CSMD1: variants seen among roughly 807,000 people sequenced by gnomAD.
CSMD1 encodes the protein CUB and sushi domain-containing protein 1.
CSMD1 carries 213 observed loss-of-function variants against 417.5 expected under a neutral mutation model. The ratio of observed to expected loss-of-function variants is 0.51; its 90% confidence interval spans 0.46 to 0.57. CSMD1 has a LOEUF of 0.57. CSMD1 is among the 20% of genes least tolerant of loss of function. CSMD1 has a pLI of 0.00. For synonymous variants in CSMD1, 2,862 were observed against 1,736.8 expected (o/e 1.65, Z -16.11); for missense variants, 6,923 against 4,529.7 (o/e 1.53, Z -15.17).
In CSMD1 at chr8:3,222,560, T is replaced by G. The variant is rs1798280189; in HGVS notation, c.4484+1169A>C. ...TTCTGAACTCAAGTGCTCCCCATCT[T>G]GGCCTCCTGAAATGCTGGGATTACA... On this transcript the variant is annotated intron_variant, in intron 28 of 69. Coordinates refer to ENST00000635120, the MANE Select transcript of CSMD1 (RefSeq NM_033225.6). Among the ~76,000 whole-genome samples the G allele has an allele frequency of 4.6e-5, 7 of 152,180 alleles. No homozygotes were observed. In the South Asian group the frequency reaches 1.4e-3, roughly 31 times the overall value.
At chr8:4,715,804 A>G (rs1808617514) in intron 1 of CSMD1, among the ~76,000 whole-genome samples, 1 of 152,086 alleles carries the variant, frequency 6.6e-6, no homozygotes, top group Non-Finnish European at 1.5e-5. Flanking sequence ...CCGTCCTCCT[A>G]TCTCTAGCAC....
At chr8:4,006,437 G>A (rs763598596) in intron 4 of CSMD1, among the ~76,000 whole-genome samples, 2 of 152,140 alleles carry the variant, frequency 1.3e-5, no homozygotes, top group Non-Finnish European at 2.9e-5. Context: ...CCAGCTTCTT[G>A]GGAGGCTGAG....
rs138123632 is a variant in CSMD1 at position 3,016,179 on chromosome 8, A to G, written c.8029+2298T>C. Among the ~76,000 whole-genome samples, 292 of 152,316 alleles carry G rather than the reference A, an allele frequency of 1.9e-3. 4 individuals are homozygous for G. Among genetic ancestry groups the G allele is most frequent in the Middle Eastern group, 0.014 (4 of 294 alleles). ...TTTTAAATCATCAAAAAATATCATCATTTATAACCTGCCTCCAAATATGGC... is the reference window on the plus strand; with the variant it reads ...TTTTAAATCATCAAAAAATATCATCGTTTATAACCTGCCTCCAAATATGGC... On this transcript the variant is annotated intron_variant, in intron 52 of 69. Transcript: ENST00000635120.
rs200865970 is a variant in CSMD1, at chr8:4,739,934, C to A, written c.86-102376G>T. Reference sequence around the variant, plus strand: ...TCCCTTCTTCAGTTGCTCTCTGCAGCAACTTAAGCTCCATAGTCTGAGCTA... The same window carrying A: ...TCCCTTCTTCAGTTGCTCTCTGCAGAAACTTAAGCTCCATAGTCTGAGCTA... On this transcript the variant is annotated intron_variant, in intron 1 of 69. Coordinates refer to ENST00000635120, the MANE Select transcript of CSMD1 (RefSeq NM_033225.6). Among the ~76,000 whole-genome samples the A allele has an allele frequency of 1.3e-4, 20 of 152,252 alleles. 1 individual carries two copies. The East Asian group carries it at 3.5e-3, about 27-fold the overall frequency.
chr8:3,144,677 G>A (rs752247291), intron 40 of CSMD1, among the ~76,000 whole-genome samples: 28 of 151,738 alleles, frequency 1.8e-4, no homozygotes, highest in Non-Finnish European at 2.9e-5. Flanking sequence ...AAATACTGCT[G>A]TTTGTTGAAC....
At chr8:3,266,792 A>T (rs1563204077) in intron 26 of CSMD1, among the ~76,000 whole-genome samples, 1 of 151,570 alleles carries the variant, frequency 6.6e-6, no homozygotes, top group Non-Finnish European at 1.5e-5. Flanking sequence ...ATCAAAAAAA[A>T]AAAAAAAGGA....
At chr8:3,327,133 C>G (rs1330168877) in intron 23 of CSMD1, among the ~76,000 whole-genome samples, 2 of 145,034 alleles carry the variant, frequency 1.4e-5, no homozygotes, top group Non-Finnish European at 3.0e-5. Flanking sequence ...CACTTGACAT[C>G]TTTACAATAC....
At chr8:3,026,922 A>C (rs1009040530) in intron 51 of CSMD1, among the ~76,000 whole-genome samples, 33 of 152,252 alleles carry the variant, frequency 2.2e-4, no homozygotes, top group African/African-American at 6.7e-4. Context: ...AGACTTCTGT[A>C]CTCTGATGTC....
intron 3 of CSMD1, among the ~76,000 whole-genome samples, chr8:4,405,023 G>A (rs968488871): frequency 7.9e-5 from 12 of 152,218 alleles, no homozygotes; most frequent in African/African-American, 2.7e-4. Flanking sequence ...TAAAACTGAG[G>A]TTTAAACTAG....
chr8:4,357,267 T>C (rs941612762), intron 3 of CSMD1, among the ~76,000 whole-genome samples: 2 of 152,186 alleles, frequency 1.3e-5, no homozygotes, highest in African/African-American at 4.8e-5. Flanking sequence ...GACTAAAAAG[T>C]AACCTTATAG....
chr8:4,485,538 C>A (rs760992721), intron 2 of CSMD1, among the ~76,000 whole-genome samples: 1 of 152,124 alleles, frequency 6.6e-6, no homozygotes, highest in Non-Finnish European at 1.5e-5. Context: ...AATGGAATGG[C>A]AATATTCTTA....
intron 1 of CSMD1, among the ~76,000 whole-genome samples, chr8:4,719,231 GT>G (rs889915683): frequency 3.0e-4 from 45 of 152,202 alleles, no homozygotes; most frequent in African/African-American, 9.9e-4. Flanking sequence ...ACATTGTCAT[GT>G]TTTAGATTTT....
chr8:4,014,718 G>A (rs572741896), intron 4 of CSMD1, among the ~76,000 whole-genome samples: 1 of 152,290 alleles, frequency 6.6e-6, no homozygotes, highest in African/African-American at 2.4e-5. Flanking sequence ...CAAAGTCCTT[G>A]CTGGTAAACA....
Position 4,865,785 on chromosome 8 carries a change from T to C in CSMD1, c.85+128547A>G, listed in dbSNP as rs146787941. 4.7e-3 allele frequency among the ~76,000 whole-genome samples: 711 copies of C among 152,006 alleles called. 9 individuals carry two copies. The highest frequency in any genetic ancestry group is 0.022 in the South Asian group (105 of 4,826). On this transcript the variant is annotated intron_variant, in intron 1 of 69. Coordinates refer to ENST00000635120, the MANE Select transcript of CSMD1 (RefSeq NM_033225.6). ...TAGCCCCAAACAAAACCTCAATCTA[T>C]GCATTGCCCAGTTTTTTAAAAGGTC...
intron 51 of CSMD1, among the ~76,000 whole-genome samples, chr8:3,020,890 C>T (rs918817518): frequency 6.6e-6 from 1 of 152,178 alleles, no homozygotes; most frequent in Non-Finnish European, 1.5e-5. Context: ...TAGTAATATG[C>T]TAATATGTTT....
chr8:3,526,140 G>A (rs1388246577), intron 10 of CSMD1, among the ~76,000 whole-genome samples: 2 of 152,030 alleles, frequency 1.3e-5, no homozygotes, highest in East Asian at 1.9e-4. Context: ...AATTGAAAGT[G>A]GCAAGTTTCA....
At chr8:3,239,710 C>A (rs533804196) in intron 26 of CSMD1, among the ~76,000 whole-genome samples, 8 of 152,314 alleles carry the variant, frequency 5.3e-5, no homozygotes, top group African/African-American at 7.2e-5. Context: ...TATAGCATAG[C>A]CTGCCTTTGC....
At chr8:4,032,968 C>T (rs112582612) in intron 3 of CSMD1, among the ~76,000 whole-genome samples, 8 of 151,962 alleles carry the variant, frequency 5.3e-5, no homozygotes, top group African/African-American at 1.9e-4. Flanking sequence ...AATTCCGATA[C>T]GAAACACTGA....
chr8:4,273,438 T>C (rs185479918), intron 3 of CSMD1, among the ~76,000 whole-genome samples: 61 of 152,232 alleles, frequency 4.0e-4, no homozygotes, highest in Admixed American at 1.5e-3. Context: ...CTTTTTTATC[T>C]TCAACTCTGG....
Sources: gnomAD v4.1 joint callset for allele counts (sites outside exome capture counted in the v4.1 genomes callset) on GRCh38, gnomAD v4.1.1 for gene constraint, MANE v1.5 for transcripts, NCBI Gene and HGNC (gene_info 2026-07-23, HGNC 2026-07-21) for gene names.